Variants in RHOT1 observed in about 807,000 individuals in gnomAD.
RHOT1 encodes mitochondrial Rho GTPase 1.
RHOT1 carries 27 observed loss-of-function variants against 95.3 expected under a neutral mutation model. That is an observed-to-expected ratio of 0.28 (90% CI 0.21 to 0.39). The LOEUF (loss-of-function observed/expected upper bound fraction) is 0.39, where lower values mean the gene tolerates loss of function less well. RHOT1 is among the 10% of genes least tolerant of loss of function. RHOT1 has a pLI of 1.00. For synonymous variants in RHOT1, 227 were observed against 263.5 expected (o/e 0.86, Z 1.34); for missense variants, 578 against 786.7 (o/e 0.73, Z 3.17).
intron 8 of RHOT1, among the ~76,000 whole-genome samples, chr17:32,187,495 A>G (rs1000993792): frequency 6.6e-6 from 1 of 152,132 alleles, no homozygotes; most frequent in Non-Finnish European, 1.5e-5. Context: ...TCTTTCAGGA[A>G]AAGTTTATAG....
At chr17:32,199,340 G>T in intron 12 of RHOT1, 65 bp from the exon 13 acceptor site, 2 of 1,445,894 alleles carry the variant, frequency 1.4e-6, no homozygotes, top group Non-Finnish European at 1.9e-6. Context: ...CTAGATTGGG[G>T]GGCTTTTGAG....
Position 32,201,024 on chromosome 17 carries a change from C to G in RHOT1, c.1169C>G (p.Thr390Ser), listed in dbSNP as rs1189753417. The change falls in exon 14 of 20, where the codon ACT (threonine) becomes AGT (serine). Residue 390 changes from threonine to serine, a missense_variant. Thr to Ser is a moderately conservative substitution (Grantham distance 58). Transcript: ENST00000545287. ...YLGYLGYSIL[T>S]EQESQASAVT... ...GGCTATCTAGGCTATTCAATATTGA[C>G]TGAGCAAGAGTCTCAAGCTTCAGCT... 1 of 1,610,260 alleles carries G rather than the reference C, an allele frequency of 6.2e-7. No homozygotes were observed. Among genetic ancestry groups the G allele is most frequent in the African/African-American group, 1.3e-5 (1 of 74,716 alleles).
At chr17:32,152,837 T>C (rs1345380221) in intron 1 of RHOT1, among the ~76,000 whole-genome samples, 2 of 151,944 alleles carry the variant, frequency 1.3e-5, no homozygotes, top group Non-Finnish European at 2.9e-5. Context: ...AGGGCCTCAC[T>C]CGGTTGTCCA....
chr17:32,142,769 C>T, intron 1 of RHOT1, 40 bp downstream of exon 1: 1 of 1,473,074 alleles, frequency 6.8e-7, no homozygotes, highest in Non-Finnish European at 9.0e-7. Flanking sequence ...AGTCCCTGCC[C>T]TCCCTGCCCC....
chr17:32,155,162 C>T (rs570382065), intron 1 of RHOT1, among the ~76,000 whole-genome samples: 1 of 152,152 alleles, frequency 6.6e-6, no homozygotes, highest in South Asian at 2.1e-4. Context: ...TAAATGCATT[C>T]TCTTTTTTTT....
chr17:32,203,880 C>T lies in RHOT1; in HGVS notation c.1333-10C>T, dbSNP rs1198929943. 1.2e-6 allele frequency: 2 copies of T among 1,606,292 alleles called. No individual in the cohort carries two copies. The highest frequency in any genetic ancestry group is 2.7e-5 in the African/African-American group (2 of 74,716). ...ACTGCAGATATTGAGATTTTCGGTT[C>T]TGTTTTCAGAGGCAGAAGAAAATTC... On this transcript the variant is annotated splice_polypyrimidine_tract_variant and intron_variant, in intron 15 of 19. Coordinates refer to ENST00000545287, the MANE Select transcript of RHOT1 (RefSeq NM_001033566.3).
At chr17:32,148,611 G>A (rs939158808) in intron 1 of RHOT1, among the ~76,000 whole-genome samples, 5 of 152,154 alleles carry the variant, frequency 3.3e-5, no homozygotes, top group Non-Finnish European at 7.3e-5. Flanking sequence ...TAGCTATTTC[G>A]CCAAATGCTA....
At chr17:32,171,442 G>A (rs142951566) in intron 2 of RHOT1, among the ~76,000 whole-genome samples, 136 of 152,296 alleles carry the variant, frequency 8.9e-4, no homozygotes, top group African/African-American at 3.0e-3. Context: ...ATGAAATACA[G>A]TATAGGAGAA....
Position 32,175,989 on chromosome 17 carries a change from G to A in RHOT1, c.250G>A (p.Val84Ile), listed in dbSNP as rs372047619. 107 of 1,602,890 alleles carry A rather than the reference G, an allele frequency of 6.7e-5. No individual in the cohort carries two copies. The highest frequency in any genetic ancestry group is 1.8e-4 in the Middle Eastern group (1 of 5,470). ...QANVICIVYA[V>I]NNKHSIDKVT... ...TAATGTCATCTGTATAGTGTATGCC[G>A]TTAACAACAAGCATTCTATTGATAA... Residue 84 changes from valine to isoleucine, a missense_variant, in exon 5 of 20, where the codon GTT becomes ATT. By Grantham distance (29) the Val-to-Ile change is conservative. Around this residue, in one of 4 missense-constraint regions of RHOT1, gnomAD observed 51 missense variants for 114.7 expected, o/e 0.44. Transcript: ENST00000545287.
At chr17:32,196,218 G>A (rs1273128596) in intron 11 of RHOT1, among the ~76,000 whole-genome samples, 1 of 138,096 alleles carries the variant, frequency 7.2e-6, no homozygotes, top group African/African-American at 2.7e-5. Context: ...GTCTTGCCCT[G>A]TCTGTCATTC....
chr17:32,143,086 C>T (rs2030660722), intron 1 of RHOT1: 2 of 616,186 alleles, frequency 3.2e-6, no homozygotes, highest in Admixed American at 2.1e-5. Flanking sequence ...CTGGGCCTCA[C>T]AGTTTCCCAG....
intron 3 of RHOT1, among the ~76,000 whole-genome samples, chr17:32,174,598 T>C (rs1342966849): frequency 6.6e-6 from 1 of 152,224 alleles, no homozygotes; most frequent in Non-Finnish European, 1.5e-5. Context: ...ATATGGCCTG[T>C]TATTTAGCAT....
At chr17:32,208,469 T>G in intron 18 of RHOT1, 160 bp downstream of exon 18, 1 of 674,640 alleles carries the variant, frequency 1.5e-6, no homozygotes, top group Non-Finnish European at 2.6e-6. Flanking sequence ...AAGTTTGGTT[T>G]GAATGCCATA....
At chr17:32,204,085 AT>A (rs913299880) in intron 16 of RHOT1, 112 bp downstream of exon 16, 1,852 of 669,642 alleles carry the variant, frequency 2.8e-3, no homozygotes, top group Non-Finnish European at 3.1e-3. Flanking sequence ...CTTCTGTGTG[AT>A]TTTTTTTTTA....
chr17:32,221,592 A>C (rs1427702986), intron 19 of RHOT1, among the ~76,000 whole-genome samples: 1 of 152,188 alleles, frequency 6.6e-6, no homozygotes, highest in Non-Finnish European at 1.5e-5. Flanking sequence ...GCAGCCTTTA[A>C]ATGCAGGTGG....
intron 1 of RHOT1, among the ~76,000 whole-genome samples, chr17:32,147,205 T>A (rs965941609): frequency 2.6e-5 from 4 of 151,654 alleles, no homozygotes; most frequent in African/African-American, 9.7e-5. Flanking sequence ...CCACCACGCC[T>A]GGCTAATTTT....
intron 18 of RHOT1, chr17:32,209,664 A>G (rs543313135): frequency 5.1e-6 from 2 of 393,506 alleles, no homozygotes; most frequent in South Asian, 6.5e-5. Context: ...GTGTTTTTAC[A>G]TCTGCATTTT....
rs1348094269 is a variant in RHOT1, at chr17:32,202,826, A to G, written c.1258A>G (p.Arg420Gly). 14 of 1,611,348 alleles carry G rather than the reference A, an allele frequency of 8.7e-6. No homozygotes were observed. Among genetic ancestry groups the G allele is most frequent in the Non-Finnish European group, 1.2e-5 (14 of 1,177,954 alleles). ...QKKQTQRNVF[R>G]CNVIGVKNCG... Reference sequence around the variant, plus strand: ...AAAACAAACTCAAAGAAATGTGTTCAGATGTAATGTAATTGGAGTGAAAAA... The same window carrying G: ...AAAACAAACTCAAAGAAATGTGTTCGGATGTAATGTAATTGGAGTGAAAAA... Residue 420 changes from arginine to glycine, a missense_variant, in exon 15 of 20, where the codon AGA becomes GGA. Physicochemically the swap from Arg to Gly is moderately radical, Grantham distance 125. Around this residue, in one of 4 missense-constraint regions of RHOT1, gnomAD observed 296 missense variants for 338.5 expected, o/e 0.87. Transcript: ENST00000545287.
Position 32,182,797 on chromosome 17 carries a change from G to C in RHOT1, c.370G>C (p.Glu124Gln). ...GGTTGGGAACAAATCTGATCTGGTGGAATATAGTAGTATGGAGACCATCCT... is the reference window on the plus strand; with the variant it reads ...GGTTGGGAACAAATCTGATCTGGTGCAATATAGTAGTATGGAGACCATCCT... ...ILVGNKSDLV[E>Q]YSSMETILPI... is the part of the protein sequence containing the mutation. The change falls in exon 7 of 20, where the codon GAA becomes CAA. Residue 124 changes from glutamate (E) to glutamine (Q), a missense_variant. This residue lies in a region of RHOT1 where 227 missense variants were observed against 316.0 expected (regional missense o/e 0.72). Coordinates refer to ENST00000545287, the MANE Select transcript of RHOT1 (RefSeq NM_001033566.3). The C allele has an allele frequency of 6.2e-7, 1 of 1,608,330 alleles. No individual in the cohort carries two copies. Among genetic ancestry groups the C allele is most frequent in the South Asian group, 1.1e-5 (1 of 90,200 alleles).
Sources: allele counts gnomAD v4.1 joint callset (sites outside exome capture counted in the v4.1 genomes callset), GRCh38; gene constraint gnomAD v4.1.1; regional missense constraint gnomAD v4.1.1; transcripts MANE v1.5; gene names NCBI Gene and HGNC (gene_info 2026-07-23, HGNC 2026-07-21).